Variants in TMCO1 observed in about 807,000 individuals in gnomAD.
The protein encoded by TMCO1 is transmembrane and coiled-coil domains 1.
In TMCO1, 29 loss-of-function variants were observed where a neutral mutation model predicts 29.3. The ratio of observed to expected loss-of-function variants is 0.99; its 90% CI spans 0.74 to 1.35. The LOEUF (loss-of-function observed/expected upper bound fraction) is 1.35, where lower values mean the gene tolerates loss of function less well. TMCO1 is among the 40% of genes most tolerant of loss of function. TMCO1 has a pLI of 0.00. For synonymous variants in TMCO1, 80 were observed against 77.1 expected, an observed-to-expected ratio of 1.04 and a Z score of -0.20; for missense variants, 173 against 225.5, an observed-to-expected ratio of 0.77 and a Z score of 1.49.
At chr1:165,749,331 G>C (rs1156656649) in intron 5 of TMCO1, among the ~76,000 whole-genome samples, 1 of 151,812 alleles carries the variant, frequency 6.6e-6, no homozygotes, top group Non-Finnish European at 1.5e-5. Context: ...GCACATTCCT[G>C]GTTAAGATCC....
chr1:165,725,863 A>G (rs982069802), downstream of TMCO1: 2 of 516,314 alleles, frequency 3.9e-6, no homozygotes, highest in African/African-American at 3.8e-5. Flanking sequence ...TAAGCAGAAC[A>G]TATTTGGAAA....
At chr1:165,731,699 T>C (rs1651165622) in intron 6 of TMCO1, among the ~76,000 whole-genome samples, 1 of 152,204 alleles carries the variant, frequency 6.6e-6, no homozygotes, top group African/African-American at 2.4e-5. Flanking sequence ...CTACTGAGGG[T>C]AAGCCACTGC....
chr1:165,728,416 C>T (rs1650990936), intron 6 of TMCO1, among the ~76,000 whole-genome samples: 1 of 151,898 alleles, frequency 6.6e-6, no homozygotes, highest in Admixed American at 6.6e-5. Flanking sequence ...GCCACCACAC[C>T]CGGCTAATTT....
chr1:165,726,909 T>C lies in TMCO1; in HGVS notation c.*1114A>G, dbSNP rs1374417657. On this transcript the variant is annotated 3_prime_UTR_variant, in exon 7 of 7. Transcript: ENST00000367881. Reference sequence around the variant, plus strand: ...TACTTTTCTACTGTCTTCTGGACTTTATGGTGCTGATAAGAAAGAAGTTTG... The same window carrying C: ...TACTTTTCTACTGTCTTCTGGACTTCATGGTGCTGATAAGAAAGAAGTTTG... The C allele has an allele frequency of 8.8e-6, 4 of 454,010 alleles. No homozygotes were observed. Among genetic ancestry groups the C allele is most frequent in the East Asian group, 6.9e-5 (1 of 14,410 alleles). 28.1% of individuals were successfully genotyped at this position (454,010 alleles called of 1,614,324 possible). A position where few individuals can be genotyped will look rare whatever the true frequency, so the allele number is the denominator to read the frequency against.
At chr1:165,743,454 A>G in intron 5 of TMCO1, 143 bp from the exon 6 acceptor site, 1 of 796,004 alleles carries the variant, frequency 1.3e-6, no homozygotes, top group Non-Finnish European at 2.0e-6. Context: ...CTAAAAATAC[A>G]CATGAACCTG....
At chr1:165,726,236 C>A (rs1365944012), downstream of TMCO1, 1 of 699,660 alleles carries the variant, frequency 1.4e-6, no homozygotes, top group Admixed American at 2.0e-5. Context: ...TCATTACCAT[C>A]CATTATCAGA....
At chr1:165,730,905 CTT>C (rs112597230) in intron 6 of TMCO1, among the ~76,000 whole-genome samples, 3 of 141,250 alleles carry the variant, frequency 2.1e-5, no homozygotes, top group Non-Finnish European at 3.1e-5. Flanking sequence ...CTTTGCAATA[CTT>C]TTTTTTTTTT....
downstream of TMCO1, chr1:165,725,232 A>G (rs74121409): frequency 7.3e-5 from 33 of 453,966 alleles, no homozygotes; most frequent in African/African-American, 6.0e-4. Flanking sequence ...AATAGTCTGA[A>G]AAAAACCTAC....
chr1:165,736,342 T>C (rs770744846), intron 6 of TMCO1, among the ~76,000 whole-genome samples: 2 of 152,234 alleles, frequency 1.3e-5, no homozygotes, highest in Non-Finnish European at 2.9e-5. Flanking sequence ...GAATCCAGAA[T>C]ATCTTCAACC....
rs576000968 is a variant in TMCO1, at chr1:165,758,188, CACT to C, written c.208+1334_208+1336del. Reference sequence around the variant, plus strand: ...GACACTCTCCTCTCAACTTCTGTGACACTACTACTTTCCAACTTATCTGGCAAT... The same window carrying C: ...GACACTCTCCTCTCAACTTCTGTGACACTACTTTCCAACTTATCTGGCAAT... On this transcript the variant is annotated intron_variant, in intron 3 of 6. Transcript: ENST00000367881. Among the ~76,000 whole-genome samples the C allele has an allele frequency of 1.7e-3, 264 of 152,270 alleles. 4 individuals carry two copies. The highest frequency in any genetic ancestry group is 6.2e-3 in the African/African-American group (256 of 41,560).
At chr1:165,748,313 G>A (rs561590863) in intron 5 of TMCO1, among the ~76,000 whole-genome samples, 50 of 152,320 alleles carry the variant, frequency 3.3e-4, no homozygotes, top group African/African-American at 1.1e-3. Flanking sequence ...ATAGAGAGGA[G>A]ACACCTGAGG....
At chr1:165,746,419 A>C (rs1651799117) in intron 5 of TMCO1, among the ~76,000 whole-genome samples, 1 of 144,828 alleles carries the variant, frequency 6.9e-6, no homozygotes, top group Non-Finnish European at 1.5e-5. Context: ...ACTCTACTTG[A>C]CTTCTTTGAC....
chr1:165,749,877 GT>G (rs1185259967), intron 5 of TMCO1, among the ~76,000 whole-genome samples: 6 of 152,052 alleles, frequency 3.9e-5, no homozygotes, highest in Non-Finnish European at 5.9e-5. Context: ...CAGGGAGCAA[GT>G]GGAGGGAATG....
chr1:165,743,263 G>A lies in TMCO1; in HGVS notation c.372C>T (p.Tyr124=). 1 of 1,611,738 alleles carries A rather than the reference G, an allele frequency of 6.2e-7. No individual in the cohort carries two copies. Among genetic ancestry groups the A allele is most frequent in the East Asian group, 2.2e-5 (1 of 44,752 alleles). Residue 124 remains tyrosine, a synonymous_variant, in exon 6 of 7, where the codon TAC becomes TAT. Transcript: ENST00000367881. ...GATTTCGATGAGACAGTCCTTGGAT[G>A]TAAGAAAGAGGGGTAAAAGGAAGCT... is the stretch of plus-strand genomic sequence containing the variant. The part of the protein sequence containing the change: ...VAKLPFTPLS[Y]IQGLSHRNLL...
chr1:165,726,105 T>C (rs886878879), downstream of TMCO1: 1 of 697,096 alleles, frequency 1.4e-6, no homozygotes, highest in African/African-American at 1.8e-5. Context: ...TGGTTTCATG[T>C]TTTATTTTAG....
intron 6 of TMCO1, among the ~76,000 whole-genome samples, chr1:165,737,089 GCCA>G: frequency 6.6e-6 from 1 of 152,300 alleles, no homozygotes; most frequent in East Asian, 1.9e-4. Context: ...ACAGGCATGA[GCCA>G]CCACACCAGC....
chr1:165,735,997 T>C (rs1375761307), intron 6 of TMCO1, among the ~76,000 whole-genome samples: 2 of 152,232 alleles, frequency 1.3e-5, no homozygotes, highest in Non-Finnish European at 2.9e-5. Flanking sequence ...ACCAAGGTGT[T>C]AGAAGGTGGG....
chr1:165,750,386 A>G (rs1211642069), intron 5 of TMCO1, among the ~76,000 whole-genome samples: 2 of 151,716 alleles, frequency 1.3e-5, no homozygotes, highest in African/African-American at 4.8e-5. Flanking sequence ...CTAAAAATAC[A>G]AAAAATTAGC....
intron 6 of TMCO1, among the ~76,000 whole-genome samples, chr1:165,730,781 T>C (rs916050696): frequency 6.6e-6 from 1 of 150,890 alleles, no homozygotes; most frequent in African/African-American, 2.4e-5. Flanking sequence ...TTTAATAGAG[T>C]TGGGGTTTTG....
Sources: allele counts gnomAD v4.1 joint callset (sites outside exome capture counted in the v4.1 genomes callset), GRCh38; gene constraint gnomAD v4.1.1; transcripts MANE v1.5; gene names NCBI Gene and HGNC (gene_info 2026-07-23, HGNC 2026-07-21).